Variants in SPATS2L observed in about 807,000 individuals in gnomAD.
The protein encoded by SPATS2L is spermatogenesis associated serine rich 2 like.
SPATS2L carries 30 observed loss-of-function variants against 59.6 expected under a neutral mutation model. The observed-to-expected ratio is 0.50, with a 90% CI of 0.38 to 0.68. The LOEUF (loss-of-function observed/expected upper bound fraction) is 0.68, where lower values mean the gene tolerates loss of function less well. Ranked by LOEUF, SPATS2L falls within the 30% of genes least tolerant of loss-of-function variation. The pLI, the probability that SPATS2L is intolerant of heterozygous loss-of-function variation, is 0.00. For synonymous variants in SPATS2L, 252 were observed against 263.5 expected (o/e 0.96, Z 0.42); for missense variants, 615 against 700.0 (o/e 0.88, Z 1.37).
chr2:200,425,604 G>T (rs2083522441), intron 6 of SPATS2L, among the ~76,000 whole-genome samples: 1 of 152,170 alleles, frequency 6.6e-6, no homozygotes, highest in Non-Finnish European at 1.5e-5. Flanking sequence ...CAGTAAATGA[G>T]ATATATAAAG....
intron 2 of SPATS2L, among the ~76,000 whole-genome samples, chr2:200,375,166 G>T (rs769118002): frequency 6.6e-6 from 1 of 152,180 alleles, no homozygotes; most frequent in African/African-American, 2.4e-5. Flanking sequence ...TCCGTAAAGT[G>T]CATGTAGGTG....
intron 1 of SPATS2L, among the ~76,000 whole-genome samples, chr2:200,323,434 G>A (rs981942220): frequency 6.6e-5 from 10 of 152,126 alleles, no homozygotes; most frequent in Non-Finnish European, 1.3e-4. Context: ...ATTCTCATGA[G>A]CCAATATACC....
chr2:200,435,368 A>G (rs1045810389), intron 6 of SPATS2L, among the ~76,000 whole-genome samples: 1 of 152,214 alleles, frequency 6.6e-6, no homozygotes, highest in Non-Finnish European at 1.5e-5. Context: ...CAAGGATTAA[A>G]TTAAAATGTA....
chr2:200,325,150 C>T (rs1038845614), intron 1 of SPATS2L, among the ~76,000 whole-genome samples: 1 of 152,164 alleles, frequency 6.6e-6, no homozygotes, highest in Non-Finnish European at 1.5e-5. Flanking sequence ...TTGTACCTTA[C>T]CCCTCATTTA....
Position 200,477,773 on chromosome 2 carries a change from A to AC in SPATS2L, c.1420dup (p.Gln474ProfsTer33). On this transcript the variant is annotated frameshift_variant, in exon 13 of 13. Transcript: ENST00000409140. LOFTEE classifies it high-confidence loss of function. The stretch of plus-strand genomic sequence containing the variant: ...GCAACAGCCGCCACGAACACAGAAG[A>AC]CAGCCGCACAACGGCTTCCGGCCCA... 1 of 1,581,154 alleles carries AC rather than the reference A, an allele frequency of 6.3e-7. No homozygotes were observed. The highest frequency in any genetic ancestry group is 8.6e-7 in the Non-Finnish European group (1 of 1,163,404).
rs76148441 is a variant in SPATS2L at position 200,325,017 on chromosome 2, A to G, written c.-72-4414A>G. Among the ~76,000 whole-genome samples the G allele has an allele frequency of 2.0e-5, 3 of 152,352 alleles. No homozygotes were observed. The South Asian group carries it at 6.2e-4, about 32-fold the overall frequency. ...TATATCCAAGGGCAACAACTCCCCA[A>G]CAGCCATATTTTGTTGAGAATATAT... On this transcript the variant is annotated intron_variant, in intron 1 of 12. Transcript: ENST00000409140.
intron 6 of SPATS2L, among the ~76,000 whole-genome samples, chr2:200,425,647 C>T (rs943822679): frequency 1.3e-5 from 2 of 152,152 alleles, no homozygotes; most frequent in Admixed American, 1.3e-4. Context: ...CGGGTAAACC[C>T]TCTTATCATT....
rs1279184383 is a variant in SPATS2L at position 200,478,229 on chromosome 2, A to G, written c.*198A>G. The G allele has an allele frequency of 3.1e-5, 15 of 487,994 alleles. No individual in the cohort carries two copies. The Middle Eastern group carries it at 1.6e-3, about 52-fold the overall frequency. 30.2% of individuals were successfully genotyped at this position (487,994 alleles called of 1,614,324 possible). On this transcript the variant is annotated 3_prime_UTR_variant, in exon 13 of 13. Transcript: ENST00000409140. Reference sequence around the variant, plus strand: ...TTTCATGGCTTTGCTTGATCTGTTGATGCTTTCTCTCATCAAGACTTTGCA... The same window carrying G: ...TTTCATGGCTTTGCTTGATCTGTTGGTGCTTTCTCTCATCAAGACTTTGCA...
chr2:200,425,939 G>C (rs2083547762), intron 6 of SPATS2L, among the ~76,000 whole-genome samples: 1 of 152,106 alleles, frequency 6.6e-6, no homozygotes, highest in African/African-American at 2.4e-5. Context: ...TAAGTGTCTG[G>C]AGACATTGAA....
chr2:200,308,754 CTG>C, intron 1 of SPATS2L: 2 of 377,622 alleles, frequency 5.3e-6, no homozygotes, highest in East Asian at 9.5e-5. Flanking sequence ...TGGGAAAAGA[CTG>C]TATTAATTGG....
intron 2 of SPATS2L, chr2:200,351,290 T>C (rs969368879): frequency 6.4e-6 from 3 of 471,482 alleles, no homozygotes; most frequent in East Asian, 6.9e-5. Flanking sequence ...TCTCCAAGCA[T>C]GTAAGTACCG....
At chr2:200,361,942 C>G (rs182210479) in intron 2 of SPATS2L, among the ~76,000 whole-genome samples, 69 of 152,138 alleles carry the variant, frequency 4.5e-4, no homozygotes, top group African/African-American at 1.5e-3. Context: ...CTTCTTAACC[C>G]AAAGGTGTGA....
chr2:200,414,320 G>A (rs2082984857), intron 4 of SPATS2L, among the ~76,000 whole-genome samples: 1 of 152,144 alleles, frequency 6.6e-6, no homozygotes. Flanking sequence ...TTTGGTTGGG[G>A]AGCAGTAGGA....
rs534859456 is a variant in SPATS2L at position 200,471,615 on chromosome 2, C to T, written c.1061-1217C>T. ...CATTGAGAACCCACAGGTACTGAAC[C>T]GGAAATAGTGGTCCCTGATCTGCAG... On this transcript the variant is annotated intron_variant, in intron 11 of 12. Transcript: ENST00000409140. 1.8e-3 allele frequency among the ~76,000 whole-genome samples: 281 copies of T among 152,292 alleles called. 2 individuals are homozygous for T. The highest frequency in any genetic ancestry group is 5.8e-3 in the African/African-American group (242 of 41,570).
At chr2:200,335,099 TG>T (rs997667590) in intron 2 of SPATS2L, among the ~76,000 whole-genome samples, 1 of 152,204 alleles carries the variant, frequency 6.6e-6, no homozygotes, top group African/African-American at 2.4e-5. Flanking sequence ...TAAATTACCT[TG>T]GGCAGTATGG....
chr2:200,422,874 T>A (rs1426617397), intron 6 of SPATS2L, among the ~76,000 whole-genome samples: 2 of 152,158 alleles, frequency 1.3e-5, no homozygotes, highest in Non-Finnish European at 2.9e-5. Context: ...TATACTGGCC[T>A]CTTTCTTGCT....
In SPATS2L at chr2:200,393,124, G is replaced by A. The variant is rs138562295; in HGVS notation, c.39+3841G>A. On this transcript the variant is annotated intron_variant, in intron 3 of 12. Coordinates refer to ENST00000409140, the MANE Select transcript of SPATS2L (RefSeq NM_001100423.2). ...TTGAGAATCTGGGTTGGGCGCCATG[G>A]TGCTGATCGAGGATTGGCAGCCCCT... 565 of 447,636 alleles carry A rather than the reference G, an allele frequency of 1.3e-3. 2 individuals are homozygous for A. Among genetic ancestry groups the A allele is most frequent in the African/African-American group, 0.01 (508 of 49,972 alleles). 27.7% of individuals were successfully genotyped at this position (447,636 alleles called of 1,614,324 possible).
intron 9 of SPATS2L, among the ~76,000 whole-genome samples, chr2:200,465,985 T>TAG (rs771200818): frequency 6.6e-6 from 1 of 152,178 alleles, no homozygotes; most frequent in Non-Finnish European, 1.5e-5. Flanking sequence ...TGAGCCGAGA[T>TAG]CATGCCACGG....
Position 200,440,503 on chromosome 2 carries a change from G to C in SPATS2L, c.653-146G>C, listed in dbSNP as rs148817972. On this transcript the variant is annotated intron_variant, in intron 7 of 12. Transcript: ENST00000409140. ...GGTGCCACACAAGCCACCCACACTG[G>C]GTTACAAACATTCTCCTGATGGAAC... The C allele has an allele frequency of 8.7e-4, 667 of 769,544 alleles. 2 individuals are homozygous for C. The African/African-American group carries it at 0.01, about 12-fold the overall frequency. 47.7% of individuals were successfully genotyped at this position (769,544 alleles called of 1,614,324 possible). A position where few individuals can be genotyped will look rare whatever the true frequency, so the allele number is the denominator to read the frequency against.
Sources: gnomAD v4.1 joint callset for allele counts (sites outside exome capture counted in the v4.1 genomes callset) on GRCh38, gnomAD v4.1.1 for gene constraint, MANE v1.5 for transcripts, NCBI Gene and HGNC (gene_info 2026-07-23, HGNC 2026-07-21) for gene names.